SAMMSON: variants seen among roughly 807,000 people sequenced by gnomAD.
The protein encoded by SAMMSON is survival associated mitochondrial melanoma specific oncogenic non-coding RNA, also known as long intergenic non-protein coding RNA 1212.
At chr3:70,250,411 TCACACACA>T (rs61355248) in intron 6 of SAMMSON, among the ~76,000 whole-genome samples, 25 of 124,966 alleles carry the variant, frequency 2.0e-4, no homozygotes, top group East Asian at 7.6e-4. Context: ...TTAATGAATC[TCACACACA>T]CACACACACA....
At chr3:70,149,404 G>C (rs1484169638) in intron 4 of SAMMSON, among the ~76,000 whole-genome samples, 1 of 152,044 alleles carries the variant, frequency 6.6e-6, no homozygotes, top group Non-Finnish European at 1.5e-5. Context: ...TCATGTGTTT[G>C]AGCCTGTGGT....
At chr3:70,288,252 T>C (rs1339584299) in intron 6 of SAMMSON, among the ~76,000 whole-genome samples, 2 of 129,998 alleles carry the variant, frequency 1.5e-5, no homozygotes, top group Non-Finnish European at 3.2e-5. Flanking sequence ...GATTCTGGTA[T>C]GTTGTGTCTT....
At chr3:70,209,763 C>T (rs1370697328) in intron 4 of SAMMSON, among the ~76,000 whole-genome samples, 1 of 152,092 alleles carries the variant, frequency 6.6e-6, no homozygotes, top group African/African-American at 2.4e-5. Context: ...GCAAAACCTC[C>T]TCACCCTAAA....
chr3:70,173,922 C>T (rs1700984212), intron 4 of SAMMSON, among the ~76,000 whole-genome samples: 1 of 151,798 alleles, frequency 6.6e-6, no homozygotes, highest in Middle Eastern at 3.2e-3. Context: ...TACCAAGTTC[C>T]ACATTTCTGC....
At chr3:70,081,138 G>A (rs182128541) in intron 4 of SAMMSON, among the ~76,000 whole-genome samples, 3 of 152,054 alleles carry the variant, frequency 2.0e-5, no homozygotes, top group Admixed American at 1.3e-4. Context: ...TTTTAAGACG[G>A]AGTCTCACTC....
At chr3:70,110,861 G>C (rs556126359) in intron 4 of SAMMSON, among the ~76,000 whole-genome samples, 4 of 152,272 alleles carry the variant, frequency 2.6e-5, no homozygotes, top group African/African-American at 7.2e-5. Context: ...CAGTCCTTAG[G>C]ATGATCTTAA....
In SAMMSON at chr3:70,237,979, CTTTTTTTTTTTTT is replaced by C. The variant is rs71672662; in HGVS notation, n.508-11114_508-11102del. Among the ~76,000 whole-genome samples, 9 of 48,942 alleles carry C rather than the reference CTTTTTTTTTTTTT, an allele frequency of 1.8e-4. No individual in the cohort carries two copies. The East Asian group carries it at 5.0e-3, about 27-fold the overall frequency. 32.1% of individuals were successfully genotyped at this position (48,942 alleles called of 152,430 possible). ...GGAAAAGAAACTAATTGAGTGGTAT[CTTTTTTTTTTTTT>C]TTTTTTTTTTTTTGCCTGTCCAGGA... is the stretch of plus-strand genomic sequence containing the variant. On this transcript the variant is annotated intron_variant and non_coding_transcript_variant, in intron 4 of 9. Coordinates refer to ENST00000642114, the Ensembl canonical transcript of SAMMSON.
intron 3 of SAMMSON, among the ~76,000 whole-genome samples, chr3:70,038,294 C>T (rs2067094099): frequency 6.6e-6 from 1 of 152,044 alleles, no homozygotes; most frequent in Non-Finnish European, 1.5e-5. Flanking sequence ...GATTATTTCC[C>T]ACAAGAATGA....
At chr3:70,152,714 G>A (rs774487726) in intron 4 of SAMMSON, among the ~76,000 whole-genome samples, 1 of 152,026 alleles carries the variant, frequency 6.6e-6, no homozygotes, top group Non-Finnish European at 1.5e-5. Context: ...CTGCTACTCA[G>A]TGACTTGCTT....
At chr3:70,331,797 T>C (rs1296754069) in intron 7 of SAMMSON, among the ~76,000 whole-genome samples, 1 of 152,238 alleles carries the variant, frequency 6.6e-6, no homozygotes, top group East Asian at 1.9e-4. Flanking sequence ...TTTGATTCTA[T>C]TCACAGAAGA....
intron 4 of SAMMSON, among the ~76,000 whole-genome samples, chr3:70,175,889 G>A (rs4393873): frequency 0.56 from 84,322 of 151,858 alleles, 24,523 homozygotes; most frequent in Non-Finnish European, 0.62. Context: ...CTGACCACTC[G>A]TGGTTGGCTT....
At chr3:70,402,892 T>C (rs1701151813) in intron 2 of SAMMSON, among the ~76,000 whole-genome samples, 1 of 151,972 alleles carries the variant, frequency 6.6e-6, no homozygotes, top group Non-Finnish European at 1.5e-5. Context: ...TATATGTATA[T>C]ATATATCTCT....
intron 3 of SAMMSON, among the ~76,000 whole-genome samples, chr3:70,067,617 G>A (rs2067214837): frequency 6.6e-6 from 1 of 152,080 alleles, no homozygotes; most frequent in Non-Finnish European, 1.5e-5. Flanking sequence ...TGAGGAAGAT[G>A]TCTGAGAGTC....
intron 3 of SAMMSON, chr3:70,069,524 A>G (rs2067222302): frequency 6.6e-6 from 1 of 152,154 alleles, no homozygotes; most frequent in South Asian, 2.1e-4. Context: ...ATTCTCTTTT[A>G]CAGGCAAGGG....
At chr3:70,007,844 C>T (rs2066934988) in intron 1 of SAMMSON, among the ~76,000 whole-genome samples, 1 of 152,086 alleles carries the variant, frequency 6.6e-6, no homozygotes. Flanking sequence ...GGAAGAGATC[C>T]AGTTTCAGCT....
At chr3:70,084,575 G>C (rs2106643057) in intron 4 of SAMMSON, among the ~76,000 whole-genome samples, 1 of 152,270 alleles carries the variant, frequency 6.6e-6, no homozygotes, top group Non-Finnish European at 1.5e-5. Flanking sequence ...CTTCGTGCCT[G>C]TCCACACTTC....
intron 7 of SAMMSON, among the ~76,000 whole-genome samples, chr3:70,344,903 C>G (rs1461953836): frequency 6.6e-6 from 1 of 152,176 alleles, no homozygotes; most frequent in African/African-American, 2.4e-5. Context: ...AGGATGTATT[C>G]TGCTTCCTTT....
chr3:70,016,013 G>A (rs1010028411), intron 3 of SAMMSON, among the ~76,000 whole-genome samples: 28 of 152,112 alleles, frequency 1.8e-4, no homozygotes, highest in African/African-American at 4.8e-4. Flanking sequence ...GAATAGTGCC[G>A]CAATAAACAT....
intron 7 of SAMMSON, among the ~76,000 whole-genome samples, chr3:70,329,568 C>T (rs896655485): frequency 4.6e-5 from 7 of 151,864 alleles, no homozygotes; most frequent in Non-Finnish European, 7.4e-5. Flanking sequence ...TAATTCCACA[C>T]AGAAATTTTT....
Sources: allele counts gnomAD v4.1 joint callset (sites outside exome capture counted in the v4.1 genomes callset), GRCh38; gene constraint gnomAD v4.1.1; transcripts MANE v1.5; gene names NCBI Gene and HGNC (gene_info 2026-07-23, HGNC 2026-07-21).